Variants in CENPP observed in about 807,000 individuals in gnomAD.
The protein encoded by CENPP is centromere protein P.
A neutral mutation model predicts 35.6 loss-of-function variants in CENPP; 24 were observed. The ratio of observed to expected loss-of-function variants is 0.67; its 90% CI spans 0.49 to 0.95. The LOEUF (loss-of-function observed/expected upper bound fraction) is 0.95, where lower values mean the gene tolerates loss of function less well. Ranked by LOEUF, CENPP falls within the 40% of genes least tolerant of loss-of-function variation. The pLI, the probability that CENPP is intolerant of heterozygous loss-of-function variation, is 0.00. For missense variants in CENPP, 332 were observed against 345.3 expected (o/e 0.96, Z 0.31); for synonymous variants, 120 against 125.5 (o/e 0.96, Z 0.29).
chr9:92,442,766 G>A (rs1046305902), intron 5 of CENPP, among the ~76,000 whole-genome samples: 3 of 149,570 alleles, frequency 2.0e-5, no homozygotes, highest in Non-Finnish European at 3.0e-5. Flanking sequence ...GGAGAATGGC[G>A]TGAACCCGGG....
chr9:92,567,389 T>G (rs866356460), intron 5 of CENPP, among the ~76,000 whole-genome samples: 78 of 98,034 alleles, frequency 8.0e-4, no homozygotes, highest in African/African-American at 2.0e-3. Flanking sequence ...TATATATATA[T>G]ATATATAGAT....
chr9:92,504,494 T>C (rs1846874969), intron 5 of CENPP, among the ~76,000 whole-genome samples: 1 of 152,146 alleles, frequency 6.6e-6, no homozygotes, highest in Non-Finnish European at 1.5e-5. Flanking sequence ...TCTGCCAGTA[T>C]GTATAGACTC....
chr9:92,518,918 A>T (rs1340095135), intron 5 of CENPP, among the ~76,000 whole-genome samples: 1 of 152,166 alleles, frequency 6.6e-6, no homozygotes, highest in East Asian at 1.9e-4. Flanking sequence ...AAAGTTCATG[A>T]TGCAGTGCAT....
At chr9:92,346,368 A>G (rs1425014250) in intron 4 of CENPP, among the ~76,000 whole-genome samples, 1 of 152,168 alleles carries the variant, frequency 6.6e-6, no homozygotes, top group Non-Finnish European at 1.5e-5. Flanking sequence ...AAAAATGAGT[A>G]GGTGTGAACT....
chr9:92,460,959 G>A (rs1188848541), intron 5 of CENPP, among the ~76,000 whole-genome samples: 2 of 152,116 alleles, frequency 1.3e-5, no homozygotes, highest in African/African-American at 4.8e-5. Context: ...GATTACAGGC[G>A]TGAGCCACCA....
At chr9:92,525,060 C>A (rs1238054696) in intron 5 of CENPP, among the ~76,000 whole-genome samples, 1 of 152,110 alleles carries the variant, frequency 6.6e-6, no homozygotes, top group Non-Finnish European at 1.5e-5. Flanking sequence ...GCCTGTAATC[C>A]CAGCCCTATA....
At chr9:92,567,381 T>TATATATAG (rs1850010272) in intron 5 of CENPP, among the ~76,000 whole-genome samples, 1 of 80,194 alleles carries the variant, frequency 1.2e-5, no homozygotes, top group East Asian at 6.0e-4. Context: ...TAGATATATA[T>TATATATAG]ATATATATAT....
At chr9:92,502,804 CTTTTT>C (rs34408968) in intron 5 of CENPP, 2,300 of 294,370 alleles carry the variant, frequency 7.8e-3, no homozygotes, top group Middle Eastern at 9.8e-3. Flanking sequence ...TTTAAGTTGT[CTTTTT>C]TTTTTTTTTT....
At chr9:92,474,898 G>T in intron 5 of CENPP, 2 of 1,609,498 alleles carry the variant, frequency 1.2e-6, no homozygotes, top group South Asian at 1.1e-5. Flanking sequence ...ACTCCTTCAT[G>T]GTGTCTTAGT....
At chr9:92,602,692 C>A (rs1850953965) in intron 5 of CENPP, among the ~76,000 whole-genome samples, 1 of 152,170 alleles carries the variant, frequency 6.6e-6, no homozygotes, top group South Asian at 2.1e-4. Flanking sequence ...TGGGGAAAAA[C>A]CCTGTGTGTG....
chr9:92,325,953 G>C lies in CENPP; in HGVS notation c.-46G>C. On this transcript the variant is annotated 5_prime_UTR_variant, in exon 1 of 8. Coordinates refer to ENST00000375587, the MANE Select transcript of CENPP (RefSeq NM_001012267.3). ...GAAGCGCGGGTGAAGCGCGCAGGTC[G>C]GAGTGACAGCTGCGCTGCCGGCCCG... 6.7e-7 allele frequency: 1 copy of C among 1,483,956 alleles called. No homozygotes were observed. Among genetic ancestry groups the C allele is most frequent in the Middle Eastern group, 1.7e-4 (1 of 5,798 alleles). The allele number at this position is 1,483,956 out of a possible 1,614,324, so 91.9% of individuals were successfully genotyped here. A position where few individuals can be genotyped will look rare whatever the true frequency, so the allele number is the denominator to read the frequency against.
intron 4 of CENPP, among the ~76,000 whole-genome samples, chr9:92,348,112 C>CTTTTTTTTTTT: frequency 8.0e-6 from 1 of 125,234 alleles, no homozygotes; most frequent in Non-Finnish European, 1.7e-5. Flanking sequence ...TTCTTTCTTT[C>CTTTTTTTTTTT]TTTTTTTTTT....
At chr9:92,411,566 A>G (rs1441000272) in intron 5 of CENPP, among the ~76,000 whole-genome samples, 1 of 152,182 alleles carries the variant, frequency 6.6e-6, no homozygotes, top group Non-Finnish European at 1.5e-5. Context: ...AAGTGCTGGT[A>G]TTACAGGTGT....
intron 5 of CENPP, among the ~76,000 whole-genome samples, chr9:92,459,475 C>T (rs777777696): frequency 2.0e-5 from 3 of 152,280 alleles, no homozygotes; most frequent in Non-Finnish European, 4.4e-5. Context: ...TCTCCTAAAG[C>T]TCTCCTACTT....
At chr9:92,417,334 T>C (rs1314786428) in intron 5 of CENPP, 2 of 1,613,914 alleles carry the variant, frequency 1.2e-6, no homozygotes, top group Non-Finnish European at 1.7e-6. Flanking sequence ...CACAGTACAT[T>C]GATGATGGAA....
At chr9:92,494,839 A>AGAGGTTGCAGTGAGCC (rs1298831076) in intron 5 of CENPP, among the ~76,000 whole-genome samples, 3 of 152,074 alleles carry the variant, frequency 2.0e-5, no homozygotes, top group Non-Finnish European at 4.4e-5. Flanking sequence ...CCCAGGAGGC[A>AGAGGTTGCAGTGAGCC]GAGGTTGCAG....
At position 92,619,840 on chromosome 9, in the gene CENPP, A is replaced by T. The variant is rs2131416237; in HGVS notation, c.*6691A>T. On this transcript the variant is annotated 3_prime_UTR_variant, in exon 8 of 8. Transcript: ENST00000375587. Reference sequence around the variant, plus strand: ...TGGGACCCCGACTCCAGACCCTGAGACGGATGATCTGTCTTCAGCAAGGTC... The same window carrying T: ...TGGGACCCCGACTCCAGACCCTGAGTCGGATGATCTGTCTTCAGCAAGGTC... 2.0e-6 allele frequency: 1 copy of T among 488,214 alleles called. No individual in the cohort carries two copies. The highest frequency in any genetic ancestry group is 3.5e-5 in the East Asian group (1 of 28,768). The allele number at this position is 488,214 out of a possible 1,614,324, so 30.2% of individuals were successfully genotyped here.
chr9:92,425,533 C>A (rs1180531649), intron 5 of CENPP, among the ~76,000 whole-genome samples: 2 of 152,096 alleles, frequency 1.3e-5, no homozygotes, highest in Non-Finnish European at 1.5e-5. Flanking sequence ...ATTCGGAGTT[C>A]ATTTTGGGGG....
intron 5 of CENPP, 25 bp from the exon 6 acceptor site, chr9:92,611,289 C>T (rs1260490688): frequency 6.3e-7 from 1 of 1,593,480 alleles, no homozygotes; most frequent in African/African-American, 1.3e-5. Flanking sequence ...GTGGATCTGT[C>T]TACCCGTTTC....
Sources: gnomAD v4.1 joint callset for allele counts (sites outside exome capture counted in the v4.1 genomes callset) on GRCh38, gnomAD v4.1.1 for gene constraint, MANE v1.5 for transcripts, NCBI Gene and HGNC (gene_info 2026-07-23, HGNC 2026-07-21) for gene names.